GAREM1: variants seen among roughly 807,000 people sequenced by gnomAD.
The protein encoded by GAREM1 is GRB2 associated regulator of MAPK1 subtype 1, also known as GRB2-associated and regulator of MAPK protein 1.
GAREM1 carries 26 observed loss-of-function variants against 71.3 expected under a neutral mutation model. The ratio of observed to expected loss-of-function variants is 0.36; its 90% CI spans 0.27 to 0.51. GAREM1 has a LOEUF of 0.51. Ranked by LOEUF, GAREM1 falls within the 20% of genes least tolerant of loss-of-function variation. GAREM1 has a pLI of 0.95. For synonymous variants in GAREM1, 440 were observed against 433.2 expected, an observed-to-expected ratio of 1.02 and a Z score of -0.20; for missense variants, 1,026 against 1,103.1, an observed-to-expected ratio of 0.93 and a Z score of 0.99.
chr18:32,298,951 A>AT lies in GAREM1; in HGVS notation c.394-10749dup, dbSNP rs558621757. Reference sequence around the variant, plus strand: ...TCCTAAATGGTGTTTATATATATATATTTTTTTTAACACAAAATAGGGCAA... The same window carrying AT: ...TCCTAAATGGTGTTTATATATATATATTTTTTTTTAACACAAAATAGGGCAA... On this transcript the variant is annotated intron_variant, in intron 3 of 5. Transcript: ENST00000269209. 8.8e-4 allele frequency among the ~76,000 whole-genome samples: 133 copies of AT among 151,484 alleles called. 1 individual carries two copies. The highest frequency in any genetic ancestry group is 2.8e-3 in the African/African-American group (114 of 41,186).
At chr18:32,442,855 G>C (rs2048752490) in intron 1 of GAREM1, among the ~76,000 whole-genome samples, 3 of 152,136 alleles carry the variant, frequency 2.0e-5, no homozygotes, top group Admixed American at 2.0e-4. Flanking sequence ...AACAGAGCAA[G>C]AGCCTTCAGC....
rs1406778760 is a variant in GAREM1 at position 32,419,696 on chromosome 18, T to C, written c.122-26661A>G. On this transcript the variant is annotated intron_variant, in intron 1 of 5. Coordinates refer to ENST00000269209, the MANE Select transcript of GAREM1 (RefSeq NM_001242409.2). ...AAAAATTACATCTGTAAAATTTAAA[T>C]CCCCCTTTGCCATACACATAATCTG... Among the ~76,000 whole-genome samples the C allele has an allele frequency of 2.0e-5, 3 of 152,016 alleles. No homozygotes were observed. The East Asian group carries it at 5.8e-4, about 29-fold the overall frequency.
intron 1 of GAREM1, among the ~76,000 whole-genome samples, chr18:32,466,029 T>TA (rs1328335568): frequency 2.0e-5 from 3 of 152,228 alleles, no homozygotes; most frequent in East Asian, 1.9e-4. Flanking sequence ...GTTGCAGGGT[T>TA]AAAGTCTCCA....
intron 1 of GAREM1, among the ~76,000 whole-genome samples, chr18:32,435,756 G>A (rs1351636679): frequency 6.6e-6 from 1 of 152,180 alleles, no homozygotes; most frequent in Non-Finnish European, 1.5e-5. Context: ...GAGCTACTGT[G>A]GCTAATTTCA....
intron 2 of GAREM1, among the ~76,000 whole-genome samples, chr18:32,337,135 G>A (rs1376270033): frequency 6.6e-6 from 1 of 152,136 alleles, no homozygotes; most frequent in African/African-American, 2.4e-5. Context: ...AATTAGACAT[G>A]GGCACCTGTA....
At chr18:32,337,227 T>C (rs1181008970) in intron 2 of GAREM1, among the ~76,000 whole-genome samples, 3 of 152,196 alleles carry the variant, frequency 2.0e-5, no homozygotes, top group African/African-American at 7.2e-5. Flanking sequence ...TCCAGAAGGT[T>C]TGAAATGGTG....
At chr18:32,303,489 A>G (rs2047219664) in intron 3 of GAREM1, among the ~76,000 whole-genome samples, 1 of 152,250 alleles carries the variant, frequency 6.6e-6, no homozygotes, top group African/African-American at 2.4e-5. Flanking sequence ...GACATTTAAA[A>G]TAATTCGTAG....
chr18:32,294,127 T>C (rs891090754), intron 3 of GAREM1, among the ~76,000 whole-genome samples: 2 of 152,134 alleles, frequency 1.3e-5, no homozygotes, highest in Non-Finnish European at 2.9e-5. Context: ...GGACTATAAA[T>C]AAAAGTATCG....
intron 2 of GAREM1, among the ~76,000 whole-genome samples, chr18:32,315,129 C>T (rs940932589): frequency 4.7e-4 from 72 of 152,066 alleles, no homozygotes; most frequent in African/African-American, 1.7e-3. Context: ...TAAGAGGTTA[C>T]CTGAAAGCGT....
chr18:32,457,226 A>AGTGTGTGTGTGTGT lies in GAREM1; in HGVS notation c.121+13068_121+13081dup, dbSNP rs566379367. 7.8e-4 allele frequency among the ~76,000 whole-genome samples: 64 copies of AGTGTGTGTGTGTGT among 81,968 alleles called. 1 individual carries two copies. The highest frequency in any genetic ancestry group is 1.7e-3 in the African/African-American group (40 of 23,988). The allele number at this position is 81,968 out of a possible 152,430, so 53.8% of individuals were successfully genotyped here. A position where few individuals can be genotyped will look rare whatever the true frequency, so the allele number is the denominator to read the frequency against. On this transcript the variant is annotated intron_variant, in intron 1 of 5. Transcript: ENST00000269209. ...GGGGGGGAGAGAGAGAGAGAGAGAG[A>AGTGTGTGTGTGTGT]GTGTGTGTGTGTGTGTGTGTGTGTG... is the stretch of plus-strand genomic sequence containing the variant.
chr18:32,382,396 T>C (rs1415465686), intron 2 of GAREM1, among the ~76,000 whole-genome samples: 2 of 152,028 alleles, frequency 1.3e-5, no homozygotes, highest in Admixed American at 6.5e-5. Context: ...AGGATTTCTC[T>C]ATTGGGTGGT....
chr18:32,454,790 CTG>C (rs1340957781), intron 1 of GAREM1, among the ~76,000 whole-genome samples: 3 of 152,050 alleles, frequency 2.0e-5, no homozygotes, highest in Non-Finnish European at 4.4e-5. Context: ...GTGTGTGCAC[CTG>C]TGTGTGTATT....
At chr18:32,269,537 T>C (rs1022644448) in intron 5 of GAREM1, among the ~76,000 whole-genome samples, 6 of 152,236 alleles carry the variant, frequency 3.9e-5, no homozygotes, top group Admixed American at 6.5e-5. Flanking sequence ...AAGACTTCTA[T>C]CATAGCTGAC....
At chr18:32,300,333 T>C (rs1052483117) in intron 3 of GAREM1, among the ~76,000 whole-genome samples, 7 of 152,212 alleles carry the variant, frequency 4.6e-5, no homozygotes, top group Admixed American at 4.6e-4. Flanking sequence ...AACTAAGAAT[T>C]GTATTTTAAA....
At chr18:32,379,040 C>G (rs2048067803) in intron 2 of GAREM1, among the ~76,000 whole-genome samples, 1 of 152,170 alleles carries the variant, frequency 6.6e-6, no homozygotes, top group Non-Finnish European at 1.5e-5. Context: ...AACTGGGCGG[C>G]TCTGGGTTTG....
intron 2 of GAREM1, among the ~76,000 whole-genome samples, chr18:32,340,312 A>G (rs1170270961): frequency 6.6e-6 from 1 of 152,204 alleles, no homozygotes; most frequent in African/African-American, 2.4e-5. Context: ...TATAACTAGG[A>G]TCCACGCTCT....
chr18:32,296,423 A>G (rs2047140499), intron 3 of GAREM1, among the ~76,000 whole-genome samples: 1 of 152,220 alleles, frequency 6.6e-6, no homozygotes, highest in Admixed American at 6.5e-5. Context: ...TACATAAAGT[A>G]CAAGTTTTAT....
intron 2 of GAREM1, among the ~76,000 whole-genome samples, chr18:32,358,912 A>G (rs1024813031): frequency 1.3e-5 from 2 of 152,210 alleles, no homozygotes; most frequent in African/African-American, 4.8e-5. Context: ...TAAATTATTA[A>G]GAATTTCAAA....
intron 2 of GAREM1, among the ~76,000 whole-genome samples, chr18:32,316,792 A>G (rs1452748280): frequency 6.6e-6 from 1 of 152,240 alleles, no homozygotes; most frequent in East Asian, 1.9e-4. Context: ...TAAAATAGAA[A>G]TAGCTAAAAC....
Sources: gnomAD v4.1 joint callset for allele counts (sites outside exome capture counted in the v4.1 genomes callset) on GRCh38, gnomAD v4.1.1 for gene constraint, MANE v1.5 for transcripts, NCBI Gene and HGNC (gene_info 2026-07-23, HGNC 2026-07-21) for gene names.